ASB4: variants seen among roughly 807,000 people sequenced by gnomAD.
The protein encoded by ASB4 is ankyrin repeat and SOCS box protein 4.
Under a neutral mutation model 38.6 loss-of-function variants are expected in ASB4, and 35 were observed. The ratio of observed to expected loss-of-function variants is 0.91; its 90% CI spans 0.69 to 1.20. The LOEUF is 1.20. ASB4 is among the 50% of genes most tolerant of loss of function. ASB4 has a pLI of 0.00. For synonymous variants in ASB4, 195 were observed against 201.3 expected (o/e 0.97, Z 0.26); for missense variants, 557 against 527.2 (o/e 1.06, Z -0.55).
chr7:95,484,825 T>A (rs1335847061), upstream of ASB4, among the ~76,000 whole-genome samples: 2 of 151,936 alleles, frequency 1.3e-5, no homozygotes. Context: ...CAACTTTTTA[T>A]TTGAAAAATT....
intron 2 of ASB4, among the ~76,000 whole-genome samples, chr7:95,498,014 A>G (rs1211324072): frequency 2.6e-5 from 4 of 152,194 alleles, no homozygotes; most frequent in African/African-American, 4.8e-5. Context: ...TTTTATGTGG[A>G]CTTTTTATTT....
intron 2 of ASB4, among the ~76,000 whole-genome samples, chr7:95,515,707 G>A (rs961277889): frequency 6.6e-6 from 1 of 152,106 alleles, no homozygotes; most frequent in Non-Finnish European, 1.5e-5. Flanking sequence ...GAGCCACTGC[G>A]CCCAGCTGCA....
chr7:95,502,539 T>C (rs1790356266), intron 2 of ASB4, among the ~76,000 whole-genome samples: 1 of 152,114 alleles, frequency 6.6e-6, no homozygotes, highest in African/African-American at 2.4e-5. Context: ...ATTCAGACTT[T>C]AGATGTTATC....
chr7:95,499,391 T>C (rs1000799535), intron 2 of ASB4, among the ~76,000 whole-genome samples: 9 of 152,118 alleles, frequency 5.9e-5, no homozygotes, highest in Non-Finnish European at 5.9e-5. Flanking sequence ...ATAAGTAAAA[T>C]TGGAGAAAAC....
At chr7:95,549,314 T>TTTTTTTTTTTTTTTTTGTG in the ASB4 span, among the ~76,000 whole-genome samples, 1 of 147,592 alleles carries the variant, frequency 6.8e-6, no homozygotes, top group African/African-American at 2.5e-5. Context: ...TTTTTTTTTT[T>TTTTTTTTTTTTTTTTTGTG]GAGATGGAGT....
intron 2 of ASB4, among the ~76,000 whole-genome samples, chr7:95,512,870 G>A (rs963752844): frequency 2.0e-5 from 3 of 152,174 alleles, no homozygotes; most frequent in Admixed American, 6.5e-5. Context: ...ACCCTCCAAA[G>A]ATGTCTAAGT....
intron 2 of ASB4, among the ~76,000 whole-genome samples, chr7:95,511,957 G>A (rs1790488335): frequency 6.6e-6 from 1 of 152,066 alleles, no homozygotes; most frequent in Non-Finnish European, 1.5e-5. Context: ...GGGTGACTTT[G>A]CTGTTTTTGC....
intron 2 of ASB4, among the ~76,000 whole-genome samples, chr7:95,499,454 G>A (rs1455358042): frequency 1.3e-5 from 2 of 152,214 alleles, no homozygotes; most frequent in Non-Finnish European, 2.9e-5. Flanking sequence ...GGTTCCAGAA[G>A]CAGAGAGTGG....
At chr7:95,486,794 A>G (rs1790097129) in intron 1 of ASB4, among the ~76,000 whole-genome samples, 1 of 152,218 alleles carries the variant, frequency 6.6e-6, no homozygotes, top group Non-Finnish European at 1.5e-5. Flanking sequence ...TTAATACAGA[A>G]TATCTGTCTT....
intron 2 of ASB4, among the ~76,000 whole-genome samples, chr7:95,502,245 C>G (rs960331865): frequency 3.3e-5 from 5 of 152,080 alleles, no homozygotes; most frequent in Middle Eastern, 3.4e-3. Context: ...CATTGGTAAT[C>G]AGTAACATGT....
rs1661662531 is a variant in ASB4, at chr7:95,527,994, G to A, written c.669G>A (p.Lys223=). The change falls in exon 3 of 5, where the codon AAG becomes AAA. Residue 223 remains lysine, a synonymous_variant. Coordinates refer to ENST00000325885, the MANE Select transcript of ASB4 (RefSeq NM_016116.3). The stretch of plus-strand genomic sequence containing the variant: ...CCGCCTACTGGGCCCTCCGCTTTAA[G>A]GAGCAGGAGTACAGCACGGAGCACC... ...AIAAYWALRF[K]EQEYSTEHHL... 1 of 1,614,014 alleles carries A rather than the reference G, an allele frequency of 6.2e-7. No homozygotes were observed. The highest frequency in any genetic ancestry group is 1.3e-5 in the African/African-American group (1 of 74,918).
intron 4 of ASB4, 65 bp downstream of exon 4, chr7:95,536,615 C>A: frequency 8.3e-7 from 1 of 1,197,638 alleles, no homozygotes; most frequent in Non-Finnish European, 1.2e-6. Context: ...TCTAGAAGTA[C>A]AGAAAATTGT....
the ASB4 span, among the ~76,000 whole-genome samples, chr7:95,547,035 C>T: frequency 6.6e-6 from 1 of 152,174 alleles, no homozygotes. Context: ...AGGTTAAGTA[C>T]CTCACTTATA....
chr7:95,498,299 T>G (rs1302113143), intron 2 of ASB4, among the ~76,000 whole-genome samples: 2 of 152,200 alleles, frequency 1.3e-5, no homozygotes, highest in Non-Finnish European at 2.9e-5. Context: ...CAGTTTGCAA[T>G]CATTACAAAC....
chr7:95,525,863 G>A (rs1790729271), intron 2 of ASB4, among the ~76,000 whole-genome samples: 1 of 152,170 alleles, frequency 6.6e-6, no homozygotes, highest in South Asian at 2.1e-4. Context: ...TAGGAATACA[G>A]TCTCAGAGTT....
At chr7:95,529,383 G>A (rs1487382985) in intron 3 of ASB4, among the ~76,000 whole-genome samples, 3 of 152,214 alleles carry the variant, frequency 2.0e-5, no homozygotes, top group African/African-American at 7.2e-5. Flanking sequence ...ATGTTTTTCT[G>A]AATTCACAGC....
At chr7:95,482,105 T>C (rs1790025840), upstream of ASB4, among the ~76,000 whole-genome samples, 1 of 152,216 alleles carries the variant, frequency 6.6e-6, no homozygotes. Flanking sequence ...GCTATTTGCT[T>C]TGTAGGTGCA....
At chr7:95,485,006 G>GTGTGTATATATGTGTATATATGTATATA (rs1562807685), upstream of ASB4, among the ~76,000 whole-genome samples, 24 of 136,666 alleles carry the variant, frequency 1.8e-4, no homozygotes, top group African/African-American at 5.8e-4. Flanking sequence ...GTATATATGT[G>GTGTGTATATATGTGTATATATGTATATA]TGTGTATATA....
intron 2 of ASB4, among the ~76,000 whole-genome samples, chr7:95,518,720 G>T (rs1002762480): frequency 2.0e-5 from 3 of 152,206 alleles, no homozygotes; most frequent in African/African-American, 7.2e-5. Context: ...CTTTAACAGG[G>T]ATTCCACTGC....
Sources: gnomAD v4.1 joint callset for allele counts (sites outside exome capture counted in the v4.1 genomes callset) on GRCh38, gnomAD v4.1.1 for gene constraint, MANE v1.5 for transcripts, NCBI Gene and HGNC (gene_info 2026-07-23, HGNC 2026-07-21) for gene names.